Variants in TTC28 observed in about 807,000 individuals in gnomAD.
The protein encoded by TTC28 is tetratricopeptide repeat domain 28, also known as tetratricopeptide repeat protein 28.
In TTC28, 61 loss-of-function variants were observed where a neutral mutation model predicts 198.0. That is an observed-to-expected ratio of 0.31 (90% CI 0.25 to 0.38). TTC28 has a LOEUF of 0.38. TTC28 is among the 10% of genes least tolerant of loss of function. The pLI is 1.00. For synonymous variants in TTC28, 1,171 were observed against 1,297.8 expected (o/e 0.90, Z 2.10); for missense variants, 2,678 against 3,164.0 (o/e 0.85, Z 3.69).
intron 2 of TTC28, 67 bp from the exon 3 acceptor site, chr22:28,306,710 C>G (rs2045154252): frequency 6.7e-7 from 1 of 1,502,728 alleles, no homozygotes; most frequent in Non-Finnish European, 9.0e-7. Flanking sequence ...TGATTCTTTA[C>G]TAGAACAACA....
At chr22:28,016,910 C>A (rs767658249) in intron 13 of TTC28, among the ~76,000 whole-genome samples, 2 of 152,250 alleles carry the variant, frequency 1.3e-5, no homozygotes, top group Non-Finnish European at 2.9e-5. Context: ...CCCTGGAGGT[C>A]TGGGCAGGGT....
rs71194779 is a variant in TTC28 at position 28,590,034 on chromosome 22, C to CAAAAAAAAAAAA, written c.381+39506_381+39517dup. 1.5e-3 allele frequency among the ~76,000 whole-genome samples: 99 copies of CAAAAAAAAAAAA among 68,040 alleles called. 1 individual carries two copies. Among genetic ancestry groups the CAAAAAAAAAAAA allele is most frequent in the African/African-American group, 4.3e-3 (42 of 9,740 alleles). 44.6% of individuals were successfully genotyped at this position (68,040 alleles called of 152,430 possible). A position where few individuals can be genotyped will look rare whatever the true frequency, so the allele number is the denominator to read the frequency against. ...CCTGGGCAACAGAACAAGACTCCAT[C>CAAAAAAAAAAAA]AAAAAAAAAAAAAAAAAAAAAAAAA... On this transcript the variant is annotated intron_variant, in intron 2 of 22. Transcript: ENST00000397906.
At chr22:28,301,656 T>G (rs2045029862) in intron 3 of TTC28, among the ~76,000 whole-genome samples, 1 of 152,172 alleles carries the variant, frequency 6.6e-6, no homozygotes, top group South Asian at 2.1e-4. Flanking sequence ...TGTGTCACTT[T>G]TATATCTAAA....
intron 2 of TTC28, among the ~76,000 whole-genome samples, chr22:28,409,716 G>C (rs188787394): frequency 1.3e-4 from 19 of 149,926 alleles, no homozygotes; most frequent in Middle Eastern, 3.4e-3. Flanking sequence ...CATTGCAGTG[G>C]CAAGATCTTG....
chr22:28,572,164 T>A (rs1266786787), intron 2 of TTC28, among the ~76,000 whole-genome samples: 1 of 145,040 alleles, frequency 6.9e-6, no homozygotes, highest in African/African-American at 2.6e-5. Flanking sequence ...TGAAACCCCA[T>A]CTCTACTGAA....
chr22:28,280,062 C>G (rs1345094132), intron 5 of TTC28, among the ~76,000 whole-genome samples: 1 of 152,092 alleles, frequency 6.6e-6, no homozygotes, highest in East Asian at 1.9e-4. Context: ...CTTATACAAG[C>G]CATTTTATGG....
intron 2 of TTC28, among the ~76,000 whole-genome samples, chr22:28,581,156 TAGTG>T (rs1400897391): frequency 1.3e-5 from 2 of 152,104 alleles, no homozygotes; most frequent in African/African-American, 4.8e-5. Flanking sequence ...GTTCTTGTGA[TAGTG>T]AGTGAGTACT....
At chr22:28,543,530 GAA>G (rs1491203418) in intron 2 of TTC28, among the ~76,000 whole-genome samples, 4 of 151,496 alleles carry the variant, frequency 2.6e-5, no homozygotes, top group Admixed American at 2.6e-4. Context: ...AGAAAGAAAA[GAA>G]GAGAGAGAGA....
intron 5 of TTC28, among the ~76,000 whole-genome samples, chr22:28,213,890 C>G (rs1331796392): frequency 3.3e-5 from 5 of 152,148 alleles, no homozygotes; most frequent in Admixed American, 6.5e-5. Context: ...TAGTACAAGG[C>G]TACAGTAATC....
At chr22:28,593,272 A>G (rs2146097138) in intron 2 of TTC28, among the ~76,000 whole-genome samples, 1 of 152,252 alleles carries the variant, frequency 6.6e-6, no homozygotes, top group African/African-American at 2.4e-5. Context: ...TTCGTGTTTC[A>G]GTTGTAGCTT....
chr22:28,514,704 T>C (rs940393967), intron 2 of TTC28, among the ~76,000 whole-genome samples: 3 of 152,222 alleles, frequency 2.0e-5, no homozygotes, highest in Admixed American at 6.5e-5. Flanking sequence ...GCAGAGAGAA[T>C]AGCATTCACT....
rs1420555558 is a variant in TTC28 at position 27,983,192 on chromosome 22, G to A, written c.6475C>T (p.Pro2159Ser). The A allele has an allele frequency of 1.9e-5, 29 of 1,551,850 alleles. No individual in the cohort carries two copies. The highest frequency in any genetic ancestry group is 2.5e-5 in the Non-Finnish European group (29 of 1,147,036). Residue 2159 changes from proline to serine, a missense_variant, in exon 23 of 23, where the codon CCA becomes TCA. Pro to Ser is a moderately conservative substitution (Grantham distance 74). Coordinates refer to ENST00000397906, the MANE Select transcript of TTC28 (RefSeq NM_001145418.2). ...SQEESNPKLD[P>S]QELAQKILEE... ...AGAATTTTCTGGGCTAACTCTTGTG[G>A]ATCCAGTTTTGGGTTGCTTTCTTCT... is the stretch of plus-strand genomic sequence containing the variant.
intron 2 of TTC28, among the ~76,000 whole-genome samples, chr22:28,515,707 G>A (rs1345197293): frequency 6.6e-6 from 1 of 152,170 alleles, no homozygotes; most frequent in African/African-American, 2.4e-5. Context: ...CATGGCATAT[G>A]CAGTGGGGTC....
chr22:28,356,274 T>TC (rs2145946128), intron 2 of TTC28, among the ~76,000 whole-genome samples: 1 of 152,232 alleles, frequency 6.6e-6, no homozygotes, highest in East Asian at 1.9e-4. Context: ...ACTTCCCACT[T>TC]CCTCACTTTT....
intron 9 of TTC28, among the ~76,000 whole-genome samples, chr22:28,100,230 T>C (rs1250998318): frequency 6.6e-6 from 1 of 152,192 alleles, no homozygotes; most frequent in Non-Finnish European, 1.5e-5. Flanking sequence ...CTAAGAGACA[T>C]AGACCCGGAG....
At chr22:28,247,990 G>A (rs1224036803) in intron 5 of TTC28, among the ~76,000 whole-genome samples, 1 of 152,142 alleles carries the variant, frequency 6.6e-6, no homozygotes, top group East Asian at 1.9e-4. Flanking sequence ...CTTTGCAAAT[G>A]AATTGTGAAT....
rs1368284519 is a variant in TTC28, at chr22:27,981,628, T to C, written c.*593A>G. 1 of 152,140 alleles carries C rather than the reference T, an allele frequency of 6.6e-6. No individual in the cohort carries two copies. Among genetic ancestry groups the C allele is most frequent in the African/African-American group, 2.4e-5 (1 of 41,430 alleles). 9.4% of individuals were successfully genotyped at this position (152,140 alleles called of 1,614,324 possible). ...GCTGTTTCAATGTGAATTATTGCAT[T>C]GTTGCTGAGATATTACACTATCATG... On this transcript the variant is annotated 3_prime_UTR_variant, in exon 23 of 23. Coordinates refer to ENST00000397906, the MANE Select transcript of TTC28 (RefSeq NM_001145418.2).
intron 2 of TTC28, among the ~76,000 whole-genome samples, chr22:28,308,112 T>C (rs1347599034): frequency 6.6e-6 from 1 of 152,164 alleles, no homozygotes; most frequent in Admixed American, 6.5e-5. Context: ...AAAGTACCAG[T>C]AGCTGTTAAA....
intron 5 of TTC28, among the ~76,000 whole-genome samples, chr22:28,209,039 C>T (rs148563905): frequency 1.3e-4 from 20 of 152,276 alleles, no homozygotes; most frequent in Middle Eastern, 3.4e-3. Flanking sequence ...TGCAAACAGC[C>T]TTAGCATACA....
Sources: gnomAD v4.1 joint callset for allele counts (sites outside exome capture counted in the v4.1 genomes callset) on GRCh38, gnomAD v4.1.1 for gene constraint, MANE v1.5 for transcripts, NCBI Gene and HGNC (gene_info 2026-07-23, HGNC 2026-07-21) for gene names.